The following PGCKA1 variants were observed in gnomAD, a reference collection of about 807,000 sequenced individuals.
PGCKA1 encodes PDCD10 and GCKIII kinases associated 1.
the PGCKA1 span, among the ~76,000 whole-genome samples, chr4:37,470,443 G>GA: frequency 0.86 from 130,190 of 152,032 alleles, 55,815 homozygotes; most frequent in Admixed American, 0.92. Flanking sequence ...GTGGGACATG[G>GA]AAAATATTTG....
At chr4:37,453,279 G>C in the PGCKA1 span, among the ~76,000 whole-genome samples, 54 of 152,260 alleles carry the variant, frequency 3.5e-4, no homozygotes, top group African/African-American at 1.3e-3. Flanking sequence ...TGTGGCCAAT[G>C]CCCTAAGACC....
chr4:37,473,016 A>G, the PGCKA1 span, among the ~76,000 whole-genome samples: 1 of 152,210 alleles, frequency 6.6e-6, no homozygotes, highest in Admixed American at 6.5e-5. Flanking sequence ...AGAATTAGAT[A>G]ACAAGTAATT....
the PGCKA1 span, chr4:37,588,795 TACTAATATATC>T: frequency 1.7e-5 from 22 of 1,305,754 alleles, no homozygotes; most frequent in South Asian, 2.3e-4. Context: ...ACTTAATTCC[TACTAATATATC>T]ACTCACTGTG....
chr4:37,539,411 C>T, the PGCKA1 span, among the ~76,000 whole-genome samples: 1 of 152,190 alleles, frequency 6.6e-6, no homozygotes, highest in African/African-American at 2.4e-5. Flanking sequence ...AATCCCAGCA[C>T]TTTGGGAGGC....
chr4:37,572,614 A>G, the PGCKA1 span, among the ~76,000 whole-genome samples: 1 of 152,202 alleles, frequency 6.6e-6, no homozygotes, highest in Admixed American at 6.5e-5. Flanking sequence ...AAAATGCTTG[A>G]GAACAGAAAT....
chr4:37,564,288 AAAGAAAG>A, the PGCKA1 span, among the ~76,000 whole-genome samples: 1 of 126,136 alleles, frequency 7.9e-6, no homozygotes, highest in Admixed American at 8.4e-5. Context: ...AAAAAAAAAA[AAAGAAAG>A]AAAAAAAACC....
chr4:37,459,833 T>TA, the PGCKA1 span, among the ~76,000 whole-genome samples: 32 of 137,834 alleles, frequency 2.3e-4, no homozygotes, highest in East Asian at 8.3e-3. Flanking sequence ...TTTTTTTTTT[T>TA]AATTTTATTT....
chr4:37,474,839 G>T, the PGCKA1 span, among the ~76,000 whole-genome samples: 3 of 152,236 alleles, frequency 2.0e-5, no homozygotes, highest in Non-Finnish European at 2.9e-5. Flanking sequence ...CATTAAATTA[G>T]ATTTCCTCTG....
At chr4:37,527,431 C>T in the PGCKA1 span, among the ~76,000 whole-genome samples, 5 of 152,182 alleles carry the variant, frequency 3.3e-5, no homozygotes, top group Non-Finnish European at 7.4e-5. Flanking sequence ...CCTGTAAGCT[C>T]CATTCATGGT....
At chr4:37,479,750 G>A in the PGCKA1 span, among the ~76,000 whole-genome samples, 3 of 152,274 alleles carry the variant, frequency 2.0e-5, no homozygotes, top group East Asian at 3.9e-4. Context: ...GAAGGAATGG[G>A]TAGAAATTTT....
chr4:37,459,524 CA>C, the PGCKA1 span, among the ~76,000 whole-genome samples: 2 of 152,156 alleles, frequency 1.3e-5, no homozygotes, highest in East Asian at 1.9e-4. Flanking sequence ...CCATGTATCT[CA>C]AAAAACTATT....
At chr4:37,462,556 A>G in the PGCKA1 span, among the ~76,000 whole-genome samples, 1 of 152,192 alleles carries the variant, frequency 6.6e-6, no homozygotes, top group Non-Finnish European at 1.5e-5. Flanking sequence ...ATGCCTCATT[A>G]AAAACTGATT....
the PGCKA1 span, among the ~76,000 whole-genome samples, chr4:37,527,492 C>T: frequency 6.6e-6 from 1 of 152,056 alleles, no homozygotes. Context: ...CGCATTTTTA[C>T]TGTACCTTTT....
At chr4:37,511,271 A>T in the PGCKA1 span, among the ~76,000 whole-genome samples, 7 of 152,010 alleles carry the variant, frequency 4.6e-5, no homozygotes, top group Non-Finnish European at 1.5e-5. Flanking sequence ...AAGTGGAAGG[A>T]GTCTCTCCCC....
the PGCKA1 span, among the ~76,000 whole-genome samples, chr4:37,522,498 A>AGG: frequency 6.6e-6 from 1 of 151,732 alleles, no homozygotes; most frequent in African/African-American, 2.4e-5. Flanking sequence ...ATGGCCCCGC[A>AGG]CAGGATCAGA....
the PGCKA1 span, among the ~76,000 whole-genome samples, chr4:37,558,319 T>G: frequency 3.5e-4 from 53 of 152,164 alleles, no homozygotes; most frequent in African/African-American, 1.2e-3. Context: ...AATGCATGGT[T>G]CAACCAAGTC....
chr4:37,563,094 C>T, the PGCKA1 span, among the ~76,000 whole-genome samples: 4 of 152,058 alleles, frequency 2.6e-5, no homozygotes, highest in African/African-American at 7.2e-5. Context: ...TCTTGTCTTC[C>T]GACCAGTTCT....
the PGCKA1 span, among the ~76,000 whole-genome samples, chr4:37,574,861 A>C: frequency 6.6e-6 from 1 of 152,060 alleles, no homozygotes; most frequent in Non-Finnish European, 1.5e-5. Flanking sequence ...AGAACATGAG[A>C]AATTTGTCTT....
chr4:37,550,641 C>G, the PGCKA1 span, among the ~76,000 whole-genome samples: 6 of 152,242 alleles, frequency 3.9e-5, no homozygotes, highest in East Asian at 1.2e-3. Context: ...AGGAGAGGTT[C>G]AAAGACGCTC....
Sources: allele counts gnomAD v4.1 joint callset (sites outside exome capture counted in the v4.1 genomes callset), GRCh38; gene constraint gnomAD v4.1.1; transcripts MANE v1.5; gene names NCBI Gene and HGNC (gene_info 2026-07-23, HGNC 2026-07-21).